OXGR1: variants seen among roughly 807,000 people sequenced by gnomAD.
OXGR1 encodes the protein oxoglutarate receptor 1.
In OXGR1, 10 loss-of-function variants were observed where a neutral mutation model predicts 10.0. The ratio of observed to expected loss-of-function variants is 1.00; its 90% CI spans 0.62 to 1.70. OXGR1 has a LOEUF of 1.70. Among genes scored for constraint, OXGR1 ranks in the 40% most tolerant of loss-of-function variants. The pLI is 0.00. For synonymous variants in OXGR1, 191 were observed against 155.9 expected, an observed-to-expected ratio of 1.22 and a Z score of -1.68; for missense variants, 398 against 407.6, an observed-to-expected ratio of 0.98 and a Z score of 0.20.
At chr13:96,992,331 A>T (rs1882096865) in intron 2 of OXGR1, 91 bp downstream of exon 2, 1 of 152,192 alleles carries the variant, frequency 6.6e-6, no homozygotes, top group Admixed American at 6.5e-5. Flanking sequence ...GCATGCCTGT[A>T]TCAAAATATC....
At position 96,986,575 on chromosome 13, in the gene OXGR1, G is replaced by A. The variant is rs552865865; in HGVS notation, c.*171C>T. The A allele has an allele frequency of 1.3e-5, 8 of 636,862 alleles. No individual in the cohort carries two copies. The East Asian group carries it at 1.7e-4, about 13-fold the overall frequency. The allele number at this position is 636,862 out of a possible 1,614,324, so 39.5% of individuals were successfully genotyped here. A position where few individuals can be genotyped will look rare whatever the true frequency, so the allele number is the denominator to read the frequency against. ...ATTCTTATATCTCCCCAGTGGAGGA[G>A]CTCAATAAAGGGATTGCAAAGAACT... On this transcript the variant is annotated 3_prime_UTR_variant, in exon 4 of 4. Transcript: ENST00000541038.
intron 3 of OXGR1, 122 bp from the exon 4 acceptor site, chr13:96,987,955 C>T (rs1247492484): frequency 3.7e-6 from 2 of 543,426 alleles, no homozygotes; most frequent in Non-Finnish European, 5.8e-6. Context: ...CAAAAGAGAC[C>T]CTGTGGAGAA....
intron 2 of OXGR1, among the ~76,000 whole-genome samples, chr13:96,990,719 G>C (rs902968568): frequency 1.3e-5 from 2 of 152,016 alleles, no homozygotes; most frequent in African/African-American, 4.8e-5. Context: ...TGAGGCAGGC[G>C]GATCGCCCAA....
In OXGR1 at chr13:96,987,136, G is replaced by A. The variant is rs763681812; in HGVS notation, c.624C>T (p.Cys208=). ...YNLILTATTF[C]LPLVIVTLCY... is the part of the protein sequence containing the mutation. ...AAAGTGTCACTATCACCAAGGGGAG[G>A]CAGAAAGTAGTTGCAGTCAAAATCA... The change falls in exon 4 of 4, where the codon TGC becomes TGT. Residue 208 remains cysteine, a synonymous_variant. Transcript: ENST00000541038. The A allele has an allele frequency of 4.3e-6, 7 of 1,614,168 alleles. No homozygotes were observed. In the South Asian group the frequency reaches 4.4e-5, roughly 10 times the overall value.
intron 1 of OXGR1, among the ~76,000 whole-genome samples, chr13:96,994,088 G>C (rs1302428963): frequency 6.6e-6 from 1 of 152,118 alleles, no homozygotes; most frequent in African/African-American, 2.4e-5. Context: ...ATGAAACTTC[G>C]CCTCCCGCCA....
chr13:96,987,471 C>T lies in OXGR1; in HGVS notation c.289G>A (p.Glu97Lys), dbSNP rs543269642. The T allele has an allele frequency of 8.1e-6, 13 of 1,614,126 alleles. No homozygotes were observed. The highest frequency in any genetic ancestry group is 1.7e-5 in the Admixed American group (1 of 60,020). ...ATGAAATCTCCAAAGATCCAGTTTT[C>T]GCCACTGGCATAGTAGTGAATCAGG... Reference protein sequence around the residue: ...PFLIHYYASGENWIFGDFMCK... With the variant: ...PFLIHYYASGKNWIFGDFMCK... The change falls in exon 4 of 4, where the codon GAA becomes AAA. Residue 97 changes from glutamate (E) to lysine (K), a missense_variant. By Grantham distance (56) the Glu-to-Lys change is moderately conservative. Transcript: ENST00000541038.
chr13:96,992,870 A>G (rs755556674), intron 1 of OXGR1, among the ~76,000 whole-genome samples: 3 of 152,038 alleles, frequency 2.0e-5, no homozygotes, highest in Non-Finnish European at 2.9e-5. Context: ...TCCTTTTCCC[A>G]AGATGCCAAT....
chr13:96,990,529 A>G (rs912042738), intron 2 of OXGR1, among the ~76,000 whole-genome samples: 4 of 152,196 alleles, frequency 2.6e-5, no homozygotes, highest in African/African-American at 7.2e-5. Context: ...GGGCTGGCAC[A>G]TGGAAGGTGT....
Position 96,987,117 on chromosome 13 carries a change from T to C in OXGR1, c.643A>G (p.Thr215Ala). 9 of 1,614,204 alleles carry C rather than the reference T, an allele frequency of 5.6e-6. No individual in the cohort carries two copies. Among genetic ancestry groups the C allele is most frequent in the Middle Eastern group, 1.6e-4 (1 of 6,062 alleles). ...TGGATAATCGTGGTATAGCAAAGTG[T>C]CACTATCACCAAGGGGAGGCAGAAA... is the stretch of plus-strand genomic sequence containing the variant. ...TTFCLPLVIVTLCYTTIIHTL... is the reference protein window; with the variant it reads ...TTFCLPLVIVALCYTTIIHTL... The change falls in exon 4 of 4, where the codon ACA becomes GCA. Residue 215 changes from threonine to alanine, a missense_variant. By Grantham distance (58) the Thr-to-Ala change is moderately conservative (BLOSUM62 0). Transcript: ENST00000541038.
At chr13:96,988,085 C>T (rs186059889) in intron 3 of OXGR1, among the ~76,000 whole-genome samples, 3 of 152,242 alleles carry the variant, frequency 2.0e-5, no homozygotes, top group Admixed American at 6.5e-5. Flanking sequence ...AGCCACATGT[C>T]GCTTTGGAAA....
intron 3 of OXGR1, 43 bp downstream of exon 3, chr13:96,989,709 GAGGGAA>G (rs1881956699): frequency 6.6e-6 from 1 of 152,208 alleles, no homozygotes; most frequent in Non-Finnish European, 1.5e-5. Flanking sequence ...GAGTAGGCAA[GAGGGAA>G]ATCTGAAGTG....
chr13:96,986,181 T>C lies in OXGR1; in HGVS notation c.*565A>G, dbSNP rs138296283. The C allele has an allele frequency of 6.6e-6, 1 of 152,384 alleles. No individual in the cohort carries two copies. The highest frequency in any genetic ancestry group is 1.5e-5 in the Non-Finnish European group (1 of 68,168). 9.4% of individuals were successfully genotyped at this position (152,384 alleles called of 1,614,324 possible). On this transcript the variant is annotated 3_prime_UTR_variant, in exon 4 of 4. Transcript: ENST00000541038. Reference sequence around the variant, plus strand: ...TTGGATTATTTCAAGGGTATCTTACTGGCTTGAAGTAATATACAGAACTGG... The same window carrying C: ...TTGGATTATTTCAAGGGTATCTTACCGGCTTGAAGTAATATACAGAACTGG...
In OXGR1 at chr13:96,986,930, T is replaced by A; in HGVS notation, c.830A>T (p.Glu277Val). The stretch of plus-strand genomic sequence containing the variant: ...GATGTAAGCTTCATGGATCTGATTC[T>A]CAATGGAACAACTGATTGAAAGCAG... Reference protein sequence around the residue: ...SRLLSISCSIENQIHEAYIVS... With the variant: ...SRLLSISCSIVNQIHEAYIVS... Residue 277 changes from glutamate (E) to valine (V), a missense_variant, in exon 4 of 4, where the codon GAG becomes GTG. By Grantham distance (121) the Glu-to-Val change is moderately radical. Coordinates refer to ENST00000541038, the MANE Select transcript of OXGR1 (RefSeq NM_001346194.2). 6.2e-7 allele frequency: 1 copy of A among 1,614,172 alleles called. No homozygotes were observed. The highest frequency in any genetic ancestry group is 8.5e-7 in the Non-Finnish European group (1 of 1,180,024).
intron 2 of OXGR1, 34 bp from the exon 3 acceptor site, chr13:96,989,843 A>C (rs2138898431): frequency 6.6e-6 from 1 of 152,340 alleles, no homozygotes; most frequent in East Asian, 1.9e-4. Flanking sequence ...GTGTGAAGAC[A>C]GGAAAAGGCT....
At chr13:96,987,873 A>G in intron 3 of OXGR1, 40 bp from the exon 4 acceptor site, 1 of 1,359,096 alleles carries the variant, frequency 7.4e-7, no homozygotes, top group Non-Finnish European at 9.8e-7. Context: ...ATAGGGTAAT[A>G]AAAACAAGGA....
rs1566288884 is a variant in OXGR1 at position 96,987,132 on chromosome 13, G to A, written c.628C>T (p.Pro210Ser). ...TAGCAAAGTGTCACTATCACCAAGGGGAGGCAGAAAGTAGTTGCAGTCAAA... is the reference window on the plus strand; with the variant it reads ...TAGCAAAGTGTCACTATCACCAAGGAGAGGCAGAAAGTAGTTGCAGTCAAA... ...LILTATTFCL[P>S]LVIVTLCYTT... Residue 210 changes from proline to serine, a missense_variant, in exon 4 of 4, where the codon CCC becomes TCC. Coordinates refer to ENST00000541038, the MANE Select transcript of OXGR1 (RefSeq NM_001346194.2). 2 of 1,614,186 alleles carry A rather than the reference G, an allele frequency of 1.2e-6. No individual in the cohort carries two copies. The highest frequency in any genetic ancestry group is 1.6e-4 in the Middle Eastern group (1 of 6,062).
rs1186505647 is a variant in OXGR1 at position 96,986,032 on chromosome 13, G to A, written c.*714C>T. The A allele has an allele frequency of 6.6e-6, 1 of 152,208 alleles. No individual in the cohort carries two copies. Among genetic ancestry groups the A allele is most frequent in the Non-Finnish European group, 1.5e-5 (1 of 68,044 alleles). The allele number at this position is 152,208 out of a possible 1,614,324, so 9.4% of individuals were successfully genotyped here. On this transcript the variant is annotated 3_prime_UTR_variant, in exon 4 of 4. Transcript: ENST00000541038. ...AGTTTCCCTTCCTTCCCCAGGACAT[G>A]TTAATAATGATGAATACAATTTGAT...
intron 1 of OXGR1, among the ~76,000 whole-genome samples, chr13:96,992,988 T>C (rs764211259): frequency 1.1e-4 from 16 of 152,196 alleles, no homozygotes; most frequent in Non-Finnish European, 1.6e-4. Flanking sequence ...GAAACTTAAG[T>C]AGACCTTTCA....
In OXGR1 at chr13:96,986,877, T is replaced by C; in HGVS notation, c.883A>G (p.Thr295Ala). Residue 295 changes from threonine (T) to alanine (A), a missense_variant, in exon 4 of 4, where the codon ACC (threonine) becomes GCC (alanine). Thr to Ala is a moderately conservative substitution (Grantham distance 58). Transcript: ENST00000541038. ...ACATATAGTAACAGGTTACCAAAGG[T>C]GTTCAGAGCAGCTAATGGTCTAGAA... ...IVSRPLAALN[T>A]FGNLLLYVVV... 1 of 1,614,160 alleles carries C rather than the reference T, an allele frequency of 6.2e-7. No individual in the cohort carries two copies.
Sources: allele counts gnomAD v4.1 joint callset (sites outside exome capture counted in the v4.1 genomes callset), GRCh38; gene constraint gnomAD v4.1.1; transcripts MANE v1.5; gene names NCBI Gene and HGNC (gene_info 2026-07-23, HGNC 2026-07-21).